The following GRID2 variants were observed in gnomAD, a reference collection of about 807,000 sequenced individuals.
GRID2 encodes the protein glutamate ionotropic receptor delta type subunit 2.
In GRID2, 33 loss-of-function variants were observed where a neutral mutation model predicts 114.8. The ratio of observed to expected loss-of-function variants is 0.29; its 90% confidence interval spans 0.22 to 0.38. GRID2 has a LOEUF of 0.38. Ranked by LOEUF, GRID2 falls within the 10% of genes least tolerant of loss-of-function variation. GRID2 has a pLI of 1.00. For missense variants in GRID2, 1,184 were observed against 1,257.7 expected, an observed-to-expected ratio of 0.94 and a Z score of 0.89; for synonymous variants, 505 against 449.9, an observed-to-expected ratio of 1.12 and a Z score of -1.55.
At chr4:93,785,295 CAATT>C (rs1734569401) in intron 1 of GRID2, among the ~76,000 whole-genome samples, 1 of 152,128 alleles carries the variant, frequency 6.6e-6, no homozygotes, top group Non-Finnish European at 1.5e-5. Context: ...GGAAGAAAGA[CAATT>C]TAACAGGCAA....
At chr4:92,538,616 A>G (rs181402140) in intron 1 of GRID2, among the ~76,000 whole-genome samples, 20 of 152,302 alleles carry the variant, frequency 1.3e-4, no homozygotes, top group African/African-American at 4.6e-4. Flanking sequence ...CCCTTGGCAT[A>G]GTAAATACTC....
intron 2 of GRID2, among the ~76,000 whole-genome samples, chr4:92,939,918 G>T (rs1316592000): frequency 1.4e-5 from 2 of 146,826 alleles, no homozygotes; most frequent in African/African-American, 2.4e-5. Flanking sequence ...CTGTTCCATT[G>T]GTGTATATCT....
intron 2 of GRID2, among the ~76,000 whole-genome samples, chr4:93,073,453 TTAA>T (rs1728986961): frequency 1.3e-5 from 2 of 152,184 alleles, no homozygotes; most frequent in Admixed American, 1.3e-4. Flanking sequence ...GAAATATGTG[TTAA>T]TAATCTGTTC....
At chr4:92,768,263 A>G (rs1474498840) in intron 2 of GRID2, among the ~76,000 whole-genome samples, 1 of 152,160 alleles carries the variant, frequency 6.6e-6, no homozygotes, top group African/African-American at 2.4e-5. Flanking sequence ...TTTGCATTGC[A>G]AATTTTCAAA....
chr4:93,728,068 T>C (rs1730108840), intron 14 of GRID2, among the ~76,000 whole-genome samples: 1 of 152,140 alleles, frequency 6.6e-6, no homozygotes, highest in African/African-American at 2.4e-5. Flanking sequence ...GTTCTTTTAA[T>C]TGTGATGTTA....
chr4:93,371,183 G>A (rs1455875889), intron 8 of GRID2, among the ~76,000 whole-genome samples: 2 of 152,138 alleles, frequency 1.3e-5, no homozygotes, highest in African/African-American at 4.8e-5. Context: ...TATTTGTTGA[G>A]ACTATTAGGG....
rs548599175 is a variant in GRID2, at chr4:93,636,576, A to G, written c.2360+10141A>G. 2.5e-4 allele frequency among the ~76,000 whole-genome samples: 38 copies of G among 152,296 alleles called. 1 individual carries two copies. In the South Asian group the frequency reaches 7.9e-3, roughly 32 times the overall value. On this transcript the variant is annotated intron_variant, in intron 14 of 15. Transcript: ENST00000282020. ...TACTCAACAAACATAACGTCAAGAC[A>G]CTTTTTACTGTTTGAAAAATTCAGT...
At chr4:93,515,519 A>G (rs1729630552) in intron 13 of GRID2, 108 bp downstream of exon 13, 1 of 712,056 alleles carries the variant, frequency 1.4e-6, no homozygotes, top group African/African-American at 1.8e-5. Flanking sequence ...TTTTATCTTT[A>G]ATGCTGACGG....
At chr4:93,765,993 G>A (rs540822054) in intron 14 of GRID2, among the ~76,000 whole-genome samples, 6 of 152,100 alleles carry the variant, frequency 3.9e-5, no homozygotes, top group South Asian at 2.1e-4. Context: ...AGCATCAATC[G>A]TAAGAAAAAA....
At chr4:93,286,921 A>G (rs907192821) in intron 8 of GRID2, among the ~76,000 whole-genome samples, 14 of 152,114 alleles carry the variant, frequency 9.2e-5, no homozygotes, top group African/African-American at 2.9e-4. Flanking sequence ...AATTAGAATA[A>G]TATTATACAA....
intron 2 of GRID2, among the ~76,000 whole-genome samples, chr4:92,606,069 A>G (rs962503598): frequency 6.6e-6 from 1 of 152,108 alleles, no homozygotes; most frequent in Non-Finnish European, 1.5e-5. Context: ...TTGTTTTTGA[A>G]AATAAATTTA....
intron 1 of GRID2, among the ~76,000 whole-genome samples, chr4:92,503,058 A>T (rs1021838840): frequency 2.6e-5 from 4 of 152,076 alleles, no homozygotes; most frequent in African/African-American, 9.7e-5. Flanking sequence ...GGTGGTTTTA[A>T]AATGAGTTCC....
At chr4:92,340,359 G>A (rs1727420831) in intron 1 of GRID2, among the ~76,000 whole-genome samples, 1 of 152,114 alleles carries the variant, frequency 6.6e-6, no homozygotes, top group South Asian at 2.1e-4. Context: ...AAGTAAATTT[G>A]TATGATGTTA....
At chr4:93,386,037 G>T (rs908551917) in intron 8 of GRID2, among the ~76,000 whole-genome samples, 3 of 151,950 alleles carry the variant, frequency 2.0e-5, no homozygotes, top group African/African-American at 7.2e-5. Flanking sequence ...AAACAGAAGG[G>T]TTTATTATTA....
intron 2 of GRID2, among the ~76,000 whole-genome samples, chr4:92,961,476 CT>C (rs1267620002): frequency 6.6e-6 from 1 of 151,066 alleles, no homozygotes; most frequent in African/African-American, 2.4e-5. Context: ...TGATATTTTC[CT>C]CTTAATATTA....
chr4:92,789,225 C>A (rs972388479), intron 2 of GRID2, among the ~76,000 whole-genome samples: 12 of 151,792 alleles, frequency 7.9e-5, no homozygotes, highest in African/African-American at 2.9e-4. Flanking sequence ...CTCACACTTG[C>A]TCTTCAAATC....
At chr4:92,848,588 A>G (rs144552369) in intron 2 of GRID2, among the ~76,000 whole-genome samples, 29 of 151,962 alleles carry the variant, frequency 1.9e-4, no homozygotes, top group African/African-American at 6.7e-4. Flanking sequence ...GTGGCCTTTG[A>G]TTGTTCTAAT....
At chr4:93,511,299 C>T (rs1014637836) in intron 12 of GRID2, among the ~76,000 whole-genome samples, 1 of 152,112 alleles carries the variant, frequency 6.6e-6, no homozygotes, top group African/African-American at 2.4e-5. Flanking sequence ...TTACAGAAAC[C>T]TAAAGCCACT....
At chr4:92,870,738 G>GA (rs1239711456) in intron 2 of GRID2, among the ~76,000 whole-genome samples, 9 of 151,868 alleles carry the variant, frequency 5.9e-5, no homozygotes, top group Non-Finnish European at 1.3e-4. Context: ...TGTGATAAAA[G>GA]AAAAAAATAG....
Sources: gnomAD v4.1 joint callset for allele counts (sites outside exome capture counted in the v4.1 genomes callset) on GRCh38, gnomAD v4.1.1 for gene constraint, MANE v1.5 for transcripts, NCBI Gene and HGNC (gene_info 2026-07-23, HGNC 2026-07-21) for gene names.